The following TMEM132B variants were observed in gnomAD, a reference collection of about 807,000 sequenced individuals.
TMEM132B encodes the protein transmembrane protein 132B.
Under a neutral mutation model 90.8 loss-of-function variants are expected in TMEM132B, and 18 were observed. The ratio of observed to expected loss-of-function variants is 0.20; its 90% CI spans 0.14 to 0.29. TMEM132B has a LOEUF of 0.29. Ranked by LOEUF, TMEM132B falls within the 10% of genes least tolerant of loss-of-function variation. The pLI is 1.00. For missense variants in TMEM132B, 1,096 were observed against 1,326.8 expected, an observed-to-expected ratio of 0.83 and a Z score of 2.70; for synonymous variants, 504 against 523.3, an observed-to-expected ratio of 0.96 and a Z score of 0.50.
chr12:125,295,654 A>G (rs1277817594), intron 1 of TMEM132B, among the ~76,000 whole-genome samples: 4 of 152,154 alleles, frequency 2.6e-5, no homozygotes, highest in Non-Finnish European at 4.4e-5. Context: ...TTCATTCTCA[A>G]TAGTGTGCCA....
At chr12:125,324,523 T>TACTG (rs1014529765) in intron 1 of TMEM132B, among the ~76,000 whole-genome samples, 1 of 152,230 alleles carries the variant, frequency 6.6e-6, no homozygotes, top group Non-Finnish European at 1.5e-5. Context: ...CACGGACTGG[T>TACTG]ACTGGTCTGT....
chr12:125,357,271 G>T (rs1877808626), intron 2 of TMEM132B, among the ~76,000 whole-genome samples: 1 of 152,192 alleles, frequency 6.6e-6, no homozygotes, highest in African/African-American at 2.4e-5. Context: ...CCTGTAATGT[G>T]ATTACTGATT....
intron 1 of TMEM132B, among the ~76,000 whole-genome samples, chr12:125,223,224 TTGA>T (rs1458342905): frequency 6.6e-6 from 1 of 152,196 alleles, no homozygotes; most frequent in African/African-American, 2.4e-5. Context: ...CTTGAGGAAG[TTGA>T]TGATGCCTTG....
chr12:125,244,905 C>G (rs975165234), intron 1 of TMEM132B, among the ~76,000 whole-genome samples: 5 of 152,164 alleles, frequency 3.3e-5, no homozygotes, highest in African/African-American at 4.8e-5. Flanking sequence ...ACCCCTGCCC[C>G]CACCATCTGC....
In TMEM132B at chr12:125,630,193, A is replaced by G. The variant is rs1046693368; in HGVS notation, c.1438-13883A>G. ...TATTCCCTCCTCCTCTGTTTTTTGG[A>G]ATAGTTTGAATAAGATTGGTATTAA... On this transcript the variant is annotated intron_variant, in intron 5 of 8. Transcript: ENST00000682704. Among the ~76,000 whole-genome samples, 5 of 152,142 alleles carry G rather than the reference A, an allele frequency of 3.3e-5. No individual in the cohort carries two copies. In the South Asian group the frequency reaches 1.0e-3, roughly 32 times the overall value.
chr12:125,441,316 G>T (rs1482066225), intron 3 of TMEM132B, among the ~76,000 whole-genome samples: 1 of 152,160 alleles, frequency 6.6e-6, no homozygotes, highest in Non-Finnish European at 1.5e-5. Flanking sequence ...ACATTTCTTT[G>T]TAACAAAGAA....
At chr12:125,362,368 T>A (rs553178274) in intron 2 of TMEM132B, among the ~76,000 whole-genome samples, 11 of 152,218 alleles carry the variant, frequency 7.2e-5, no homozygotes, top group African/African-American at 1.4e-4. Context: ...ATCCCAGTAA[T>A]TTTATTTCAA....
intron 6 of TMEM132B, 138 bp from the exon 7 acceptor site, chr12:125,650,545 A>G (rs778474151): frequency 1.0e-6 from 1 of 955,914 alleles, no homozygotes; most frequent in Non-Finnish European, 1.5e-6. Context: ...CTGGGAGTGG[A>G]TAGATGGCTG....
At chr12:125,243,032 T>TATACAC (rs1215676534) in intron 1 of TMEM132B, among the ~76,000 whole-genome samples, 24 of 135,002 alleles carry the variant, frequency 1.8e-4, no homozygotes, top group African/African-American at 5.5e-4. Context: ...TATATATATA[T>TATACAC]ACACACACAC....
chr12:125,430,241 C>T (rs764935122), intron 3 of TMEM132B, among the ~76,000 whole-genome samples: 7 of 152,182 alleles, frequency 4.6e-5, no homozygotes, highest in African/African-American at 1.4e-4. Context: ...CAGATTGGAC[C>T]GTAGCTGTGG....
chr12:125,334,941 A>G (rs1876910113), intron 1 of TMEM132B, among the ~76,000 whole-genome samples: 1 of 152,226 alleles, frequency 6.6e-6, no homozygotes, highest in Admixed American at 6.5e-5. Flanking sequence ...CCTGGAATGC[A>G]CAGTTTGCGT....
In TMEM132B at chr12:125,277,478, C is replaced by CA. The variant is rs35077197; in HGVS notation, c.68-71964dup. Among the ~76,000 whole-genome samples the CA allele has an allele frequency of 0.49, 69,710 of 142,234 alleles. 17,160 individuals are homozygous for CA. The highest frequency in any genetic ancestry group is 0.58 in the African/African-American group (21,580 of 37,152). 93.3% of individuals were successfully genotyped at this position (142,234 alleles called of 152,430 possible). On this transcript the variant is annotated intron_variant, in intron 1 of 8. Coordinates refer to ENST00000682704, the MANE Select transcript of TMEM132B (RefSeq NM_001366854.1). This position sits in a 1 kb window ranked among gnomAD's most constrained non-coding sequence, Gnocchi z 4.3. ...GGGCAACAAGAGCAAGACTCTGTCTCAAAAAAAAAAGATGAAGAGGGAGAA... is the reference window on the plus strand; with the variant it reads ...GGGCAACAAGAGCAAGACTCTGTCTCAAAAAAAAAAAGATGAAGAGGGAGAA...
intron 1 of TMEM132B, among the ~76,000 whole-genome samples, chr12:125,340,506 G>C (rs1381467744): frequency 6.6e-6 from 1 of 152,064 alleles, no homozygotes; most frequent in Non-Finnish European, 1.5e-5. Context: ...GGGATATGGA[G>C]GAGGACTTTC....
rs1877472473 is a variant in TMEM132B, at chr12:125,349,338, G to T, written c.68-114G>T. 3.5e-6 allele frequency: 4 copies of T among 1,142,644 alleles called. No individual in the cohort carries two copies. The South Asian group carries it at 6.3e-5, about 18-fold the overall frequency. The allele number at this position is 1,142,644 out of a possible 1,614,324, so 70.8% of individuals were successfully genotyped here. A position where few individuals can be genotyped will look rare whatever the true frequency, so the allele number is the denominator to read the frequency against. On this transcript the variant is annotated intron_variant, in intron 1 of 8. Transcript: ENST00000682704. This position sits in a 1 kb window ranked among gnomAD's most constrained non-coding sequence, Gnocchi z 4.1. ...GCTTTCACTGTGATGAGACCTGGGG[G>T]AGAAACAGTGGCCAGTGGGCGGTTT... is the stretch of plus-strand genomic sequence containing the variant.
chr12:125,600,533 C>T lies in TMEM132B; in HGVS notation c.1437+16539C>T, dbSNP rs184795552. On this transcript the variant is annotated intron_variant, in intron 5 of 8. Transcript: ENST00000682704. ...CAGGGTCCATTGTTTATATCTGCAT[C>T]CACAGCATCTAATCCTGGGCATATT... 1.2e-4 allele frequency among the ~76,000 whole-genome samples: 18 copies of T among 152,266 alleles called. No individual in the cohort carries two copies. In the East Asian group the frequency reaches 1.9e-3, roughly 16 times the overall value.
At chr12:125,426,288 T>C (rs1461101300) in intron 3 of TMEM132B, among the ~76,000 whole-genome samples, 2 of 152,100 alleles carry the variant, frequency 1.3e-5, no homozygotes, top group Non-Finnish European at 2.9e-5. Flanking sequence ...ATTTTTTAAG[T>C]TGGGTTGTTC....
At position 125,318,306 on chromosome 12, in the gene TMEM132B, GTTTCTTTC is replaced by G. The variant is rs147201085; in HGVS notation, c.68-31138_68-31131del. Among the ~76,000 whole-genome samples, 9 of 150,652 alleles carry G rather than the reference GTTTCTTTC, an allele frequency of 6.0e-5. No homozygotes were observed. In the East Asian group the frequency reaches 1.8e-3, roughly 30 times the overall value. On this transcript the variant is annotated intron_variant, in intron 1 of 8. Coordinates refer to ENST00000682704, the MANE Select transcript of TMEM132B (RefSeq NM_001366854.1). ...ACTTCACCTGTGTTTGCAGTGACCT[GTTTCTTTC>G]TTTCTTTTTTTTTTTTCAAACAGAG...
At chr12:125,365,058 G>C (rs1648070275) in intron 2 of TMEM132B, among the ~76,000 whole-genome samples, 1 of 151,764 alleles carries the variant, frequency 6.6e-6, no homozygotes, top group Admixed American at 6.6e-5. Context: ...AATGTTACCA[G>C]ATTTGGGGTT....
chr12:125,523,848 C>T (rs992594393), intron 4 of TMEM132B, among the ~76,000 whole-genome samples: 1 of 152,232 alleles, frequency 6.6e-6, no homozygotes, highest in African/African-American at 2.4e-5. Context: ...ATACTACTCT[C>T]TCCTCATCGG....
Sources: allele counts gnomAD v4.1 joint callset (sites outside exome capture counted in the v4.1 genomes callset), GRCh38; gene constraint gnomAD v4.1.1; non-coding constraint Gnocchi (gnomAD v3.1); transcripts MANE v1.5; gene names NCBI Gene and HGNC (gene_info 2026-07-23, HGNC 2026-07-21).